The following DLG2 variants were observed in gnomAD, a reference collection of about 807,000 sequenced individuals.
DLG2 encodes the protein discs large MAGUK scaffold protein 2.
DLG2 carries 45 observed loss-of-function variants against 132.5 expected under a neutral mutation model. That is an observed-to-expected ratio of 0.34 (90% confidence interval 0.27 to 0.44). DLG2 has a LOEUF of 0.44. Ranked by LOEUF, DLG2 falls within the 20% of genes least tolerant of loss-of-function variation. The pLI is 1.00. For synonymous variants in DLG2, 424 were observed against 419.6 expected (o/e 1.01, Z -0.13); for missense variants, 1,045 against 1,196.9 (o/e 0.87, Z 1.87).
intron 6 of DLG2, among the ~76,000 whole-genome samples, chr11:84,577,613 A>G (rs1248212112): frequency 1.3e-5 from 2 of 152,192 alleles, no homozygotes; most frequent in East Asian, 3.8e-4. Context: ...ACGGAAAAAA[A>G]TTTTAAGCAG....
rs564414948 is a variant in DLG2 at position 85,463,774 on chromosome 11, A to C, written c.40+134883T>G. On this transcript the variant is annotated intron_variant, in intron 3 of 27. Transcript: ENST00000376104. ...CAACACAGAAAGACCTTGTTTAAAA[A>C]TTTAAAAATTTTAAAAAACCTCGTC... is the stretch of plus-strand genomic sequence containing the variant. Among the ~76,000 whole-genome samples the C allele has an allele frequency of 2.0e-5, 3 of 152,208 alleles. No individual in the cohort carries two copies. The South Asian group carries it at 6.2e-4, about 32-fold the overall frequency.
intron 19 of DLG2, among the ~76,000 whole-genome samples, chr11:83,562,720 TATG>T (rs1380409936): frequency 6.6e-6 from 1 of 152,098 alleles, no homozygotes; most frequent in South Asian, 2.1e-4. Context: ...CTAAGGAAAA[TATG>T]ATAACTTAGT....
At chr11:83,625,260 C>T (rs78608291) in intron 19 of DLG2, among the ~76,000 whole-genome samples, 2,078 of 152,236 alleles carry the variant, frequency 0.014, 54 homozygotes, top group African/African-American at 0.046. Context: ...ACACAGTCCA[C>T]GGATTTTATG....
intron 4 of DLG2, among the ~76,000 whole-genome samples, chr11:85,207,872 G>T (rs1342264254): frequency 6.6e-6 from 1 of 151,454 alleles, no homozygotes; most frequent in Non-Finnish European, 1.5e-5. Flanking sequence ...CCTTCTGCTT[G>T]ATTGCCCTTT....
chr11:85,111,573 G>T, intron 6 of DLG2, 88 bp downstream of exon 6: 1 of 1,039,882 alleles, frequency 9.6e-7, no homozygotes, highest in South Asian at 1.9e-5. Flanking sequence ...GAATTTCAGA[G>T]AGCATTCTGG....
At chr11:83,672,755 A>G (rs2077037213) in intron 18 of DLG2, among the ~76,000 whole-genome samples, 1 of 152,128 alleles carries the variant, frequency 6.6e-6, no homozygotes, top group Non-Finnish European at 1.5e-5. Context: ...GAATGAAATC[A>G]AATCCCTGTC....
intron 16 of DLG2, among the ~76,000 whole-genome samples, chr11:83,847,306 G>C (rs2058820298): frequency 6.6e-6 from 1 of 152,116 alleles, no homozygotes; most frequent in Non-Finnish European, 1.5e-5. Context: ...AATAGGATTA[G>C]AGAAAAAAAC....
chr11:83,479,375 G>A (rs1015929957), intron 22 of DLG2, among the ~76,000 whole-genome samples: 6 of 51,318 alleles, frequency 1.2e-4, no homozygotes, highest in African/African-American at 4.1e-4. Flanking sequence ...ATGCTATAAC[G>A]GGGGGGGGAA....
At chr11:84,344,291 T>G (rs1347910357) in intron 7 of DLG2, among the ~76,000 whole-genome samples, 1 of 152,168 alleles carries the variant, frequency 6.6e-6, no homozygotes, top group Non-Finnish European at 1.5e-5. Flanking sequence ...TCTGTACTAA[T>G]TTTTCTGATA....
chr11:85,622,107 A>G (rs190019596), intron 2 of DLG2, among the ~76,000 whole-genome samples: 38 of 152,282 alleles, frequency 2.5e-4, no homozygotes, highest in African/African-American at 8.9e-4. Context: ...AAAGATTACT[A>G]CTCGCTAAAG....
At chr11:85,467,817 G>A (rs918190927) in intron 3 of DLG2, among the ~76,000 whole-genome samples, 13 of 152,124 alleles carry the variant, frequency 8.5e-5, no homozygotes, top group Non-Finnish European at 1.8e-4. Flanking sequence ...GGATGATGCT[G>A]GCTTCATAAA....
intron 6 of DLG2, among the ~76,000 whole-genome samples, chr11:84,544,188 G>A (rs1198207127): frequency 2.6e-5 from 4 of 152,160 alleles, no homozygotes; most frequent in African/African-American, 9.7e-5. Context: ...TCAGGATCTA[G>A]GGAAGGCTAG....
chr11:84,567,813 C>T (rs2099463379), intron 6 of DLG2, among the ~76,000 whole-genome samples: 1 of 152,130 alleles, frequency 6.6e-6, no homozygotes, highest in Non-Finnish European at 1.5e-5. Context: ...CAAGAACATC[C>T]TTTTGAAAAC....
At chr11:85,085,320 T>C (rs932749762) in intron 6 of DLG2, among the ~76,000 whole-genome samples, 4 of 152,110 alleles carry the variant, frequency 2.6e-5, no homozygotes, top group Admixed American at 6.5e-5. Context: ...CTTAGATATA[T>C]AGAAACTCCT....
chr11:84,946,749 C>T (rs531749896), intron 6 of DLG2, among the ~76,000 whole-genome samples: 5 of 152,210 alleles, frequency 3.3e-5, no homozygotes, highest in East Asian at 3.9e-4. Flanking sequence ...GTGCATCCCA[C>T]GTTCACTGGC....
chr11:83,825,564 C>A (rs1194897149), intron 17 of DLG2, among the ~76,000 whole-genome samples: 1 of 152,040 alleles, frequency 6.6e-6, no homozygotes, highest in Non-Finnish European at 1.5e-5. Context: ...ACGCTTGGGG[C>A]AATTCATGAG....
chr11:83,565,757 C>T (rs906134974), intron 19 of DLG2, among the ~76,000 whole-genome samples: 10 of 152,198 alleles, frequency 6.6e-5, no homozygotes, highest in Non-Finnish European at 1.2e-4. Context: ...TTAGGATACT[C>T]TGAGTTACTC....
chr11:84,866,925 T>C (rs533554301), intron 6 of DLG2, among the ~76,000 whole-genome samples: 2 of 152,242 alleles, frequency 1.3e-5, no homozygotes, highest in African/African-American at 4.8e-5. Context: ...TTTTAGACTG[T>C]AACATTTTTA....
chr11:84,747,863 C>T (rs1264076899), intron 6 of DLG2, among the ~76,000 whole-genome samples: 1 of 152,118 alleles, frequency 6.6e-6, no homozygotes, highest in Non-Finnish European at 1.5e-5. Flanking sequence ...GTCAACTTGA[C>T]AACAAAACAG....
Sources: allele counts gnomAD v4.1 joint callset (sites outside exome capture counted in the v4.1 genomes callset), GRCh38; gene constraint gnomAD v4.1.1; transcripts MANE v1.5; gene names NCBI Gene and HGNC (gene_info 2026-07-23, HGNC 2026-07-21).